The following BRPF3 variants were observed in gnomAD, a reference collection of about 807,000 sequenced individuals.
The protein encoded by BRPF3 is bromodomain and PHD finger-containing protein 3.
BRPF3 carries 18 observed loss-of-function variants against 102.0 expected under a neutral mutation model. The observed-to-expected ratio is 0.18, with a 90% confidence interval of 0.12 to 0.26. The LOEUF is 0.26. Ranked by LOEUF, BRPF3 falls within the 10% of genes least tolerant of loss-of-function variation. The pLI, the probability that BRPF3 is intolerant of heterozygous loss-of-function variation, is 1.00. For missense variants in BRPF3, 1,147 were observed against 1,567.8 expected (o/e 0.73, Z 4.53); for synonymous variants, 570 against 614.2 (o/e 0.93, Z 1.06).
rs750349662 is a variant in BRPF3, at chr6:36,230,561, G to A, written c.3570G>A (p.Leu1190=). 2 of 1,614,180 alleles carry A rather than the reference G, an allele frequency of 1.2e-6. No homozygotes were observed. Among genetic ancestry groups the A allele is most frequent in the Non-Finnish European group, 8.5e-7 (1 of 1,180,008 alleles). ...QVAYDRAMIH[L]SRVRGPHSFV... ...CCTATGACCGTGCGATGATCCACCT[G>A]AGCAGAGTCCGGGGGCCCCACTCCT... Residue 1190 remains leucine, a synonymous_variant, in exon 13 of 13, where the codon CTG becomes CTA. Transcript: ENST00000357641. The surrounding 1 kb of genome is among the most constrained non-coding windows in gnomAD (Gnocchi z 5.4).
intron 8 of BRPF3, among the ~76,000 whole-genome samples, chr6:36,215,017 A>G (rs1768276455): frequency 6.6e-6 from 1 of 152,030 alleles, no homozygotes; most frequent in Admixed American, 6.6e-5. Context: ...TCTGAGGAAC[A>G]CTGAGGGAAC....
intron 4 of BRPF3, among the ~76,000 whole-genome samples, chr6:36,208,274 C>T (rs1336103742): frequency 6.6e-6 from 1 of 152,090 alleles, no homozygotes; most frequent in Non-Finnish European, 1.5e-5. Context: ...GGATGAAAAG[C>T]CAAAACTGTT....
intron 12 of BRPF3, among the ~76,000 whole-genome samples, chr6:36,229,259 G>A (rs370326737): frequency 1.3e-5 from 2 of 152,226 alleles, no homozygotes; most frequent in African/African-American, 4.8e-5. Flanking sequence ...CTCTGAGGTC[G>A]AGACTTGCAT....
rs1272710637 is a variant in BRPF3 at position 36,196,878 on chromosome 6, C to T, written c.-119C>T. The T allele has an allele frequency of 2.0e-5, 3 of 151,688 alleles. No individual in the cohort carries two copies. Among genetic ancestry groups the T allele is most frequent in the East Asian group, 2.0e-4 (1 of 5,124 alleles). The allele number at this position is 151,688 out of a possible 1,614,324, so 9.4% of individuals were successfully genotyped here. On this transcript the variant is annotated 5_prime_UTR_variant, in exon 1 of 13. Coordinates refer to ENST00000357641, the MANE Select transcript of BRPF3 (RefSeq NM_015695.3). ...CACGGAGGCAGGCGCGGGAGAAGAC[C>T]GCGCTCCGCTTCCCGGGCCGCGCCG...
At chr6:36,202,448 G>A (rs943891175) in intron 2 of BRPF3, among the ~76,000 whole-genome samples, 2 of 134,180 alleles carry the variant, frequency 1.5e-5, no homozygotes, top group East Asian at 2.1e-4. Context: ...AGTCTGTAGA[G>A]AGCCCATGGT....
chr6:36,202,420 CCT>C (rs1554127992), intron 2 of BRPF3, among the ~76,000 whole-genome samples: 1 of 142,726 alleles, frequency 7.0e-6, no homozygotes, highest in Middle Eastern at 3.3e-3. Context: ...ACCCCCCCCC[CCT>C]CCGCCCCCGC....
rs762917834 is a variant in BRPF3, at chr6:36,222,136, A to T, written c.3084-32A>T. 3.9e-6 allele frequency: 6 copies of T among 1,547,862 alleles called. No homozygotes were observed. In the African/African-American group the frequency reaches 8.2e-5, roughly 21 times the overall value. On this transcript the variant is annotated intron_variant, in intron 9 of 12. Coordinates refer to ENST00000357641, the MANE Select transcript of BRPF3 (RefSeq NM_015695.3). ...GGCGTTTTAGTCATTGAAATTGCTCATTTCACCCCTCTCTCCCTGCTCTGT... is the reference window on the plus strand; with the variant it reads ...GGCGTTTTAGTCATTGAAATTGCTCTTTTCACCCCTCTCTCCCTGCTCTGT...
chr6:36,219,612 G>T (rs552193495), intron 9 of BRPF3, among the ~76,000 whole-genome samples: 2 of 152,198 alleles, frequency 1.3e-5, no homozygotes, highest in African/African-American at 4.8e-5. Context: ...TTCAGGTGGC[G>T]TGTTTGCCTT....
At chr6:36,209,604 G>A (rs1768022303) in intron 4 of BRPF3, among the ~76,000 whole-genome samples, 183 bp from the exon 5 acceptor site, 1 of 152,158 alleles carries the variant, frequency 6.6e-6, no homozygotes, top group Admixed American at 6.5e-5. Context: ...TAATAAAATA[G>A]TAGCTGTTGG....
At chr6:36,204,121 AAAC>A (rs1193751048) in intron 2 of BRPF3, among the ~76,000 whole-genome samples, 1 of 152,138 alleles carries the variant, frequency 6.6e-6, no homozygotes, top group African/African-American at 2.4e-5. Flanking sequence ...GTTCAAAATT[AAAC>A]AACATTTTTA....
intron 3 of BRPF3, among the ~76,000 whole-genome samples, chr6:36,206,318 C>T (rs1301381455): frequency 2.0e-5 from 3 of 152,130 alleles, no homozygotes; most frequent in Non-Finnish European, 4.4e-5. Flanking sequence ...TGGGGAAAGG[C>T]CTAGTTCTTG....
chr6:36,215,911 A>G (rs990751624), intron 8 of BRPF3, among the ~76,000 whole-genome samples: 1 of 152,186 alleles, frequency 6.6e-6, no homozygotes, highest in African/African-American at 2.4e-5. Flanking sequence ...TGTGTCCCTC[A>G]TGTACTTTTA....
At chr6:36,225,202 C>A in intron 10 of BRPF3, 65 bp from the exon 11 acceptor site, 2 of 1,394,344 alleles carry the variant, frequency 1.4e-6, no homozygotes, top group Non-Finnish European at 2.0e-6. Context: ...AGGCCACAGG[C>A]AGGCCTTTTG....
chr6:36,219,964 T>C (rs1464754696), intron 9 of BRPF3, among the ~76,000 whole-genome samples: 1 of 152,258 alleles, frequency 6.6e-6, no homozygotes, highest in Non-Finnish European at 1.5e-5. Flanking sequence ...CAAATATTGA[T>C]AACTGAACAC....
intron 9 of BRPF3, 114 bp downstream of exon 9, chr6:36,218,124 C>T: frequency 3.5e-6 from 3 of 846,678 alleles, no homozygotes; most frequent in South Asian, 3.5e-5. Flanking sequence ...TCCCCCACTC[C>T]TGCTATTTCC....
chr6:36,211,212 C>T, intron 6 of BRPF3, 46 bp from the exon 7 acceptor site: 2 of 1,580,188 alleles, frequency 1.3e-6, no homozygotes, highest in Non-Finnish European at 1.7e-6. Context: ...TTGCCCTGTG[C>T]TGGGCAGGTC....
intron 7 of BRPF3, among the ~76,000 whole-genome samples, chr6:36,212,944 A>T (rs1290322824): frequency 6.6e-6 from 1 of 151,570 alleles, no homozygotes; most frequent in African/African-American, 2.4e-5. Flanking sequence ...TGGGCGACAG[A>T]GCGAGACTCC....
rs1251604465 is a variant in BRPF3 at position 36,217,931 on chromosome 6, T to G, written c.3004T>G (p.Phe1002Val). ...QEEETGMTNGFGKHTESGSDS... is the reference protein window; with the variant it reads ...QEEETGMTNGVGKHTESGSDS... ...GTCCTTGGCAGGCATGACCAACGGC[T>G]TTGGAAAACACACCGAAAGCGGGTC... is the stretch of plus-strand genomic sequence containing the variant. The change falls in exon 9 of 13, where the codon TTT becomes GTT. Residue 1002 changes from phenylalanine (F) to valine (V), a missense_variant. Physicochemically the swap from Phe to Val is conservative, Grantham distance 50. This residue lies in a region of BRPF3 where 379 missense variants were observed against 426.3 expected (regional missense o/e 0.89). Transcript: ENST00000357641. The G allele has an allele frequency of 6.2e-7, 1 of 1,613,454 alleles. No homozygotes were observed. Among genetic ancestry groups the G allele is most frequent in the South Asian group, 1.1e-5 (1 of 90,950 alleles).
rs1374781544 is a variant in BRPF3 at position 36,201,762 on chromosome 6, C to T, written c.1440C>T (p.Pro480=). The T allele has an allele frequency of 6.2e-7, 1 of 1,600,332 alleles. No homozygotes were observed. Among genetic ancestry groups the T allele is most frequent in the African/African-American group, 1.3e-5 (1 of 74,522 alleles). ...CCATGCTTGCTGTCCCACAGATACCCTCTTACAGGTAAGCATGCCCAGAAG... is the reference window on the plus strand; with the variant it reads ...CCATGCTTGCTGTCCCACAGATACCTTCTTACAGGTAAGCATGCCCAGAAG... ...TLPMLAVPQI[P]SYRLNKICSG... Residue 480 remains proline (P), a synonymous_variant, in exon 2 of 13, where the codon CCC becomes CCT. Transcript: ENST00000357641. This position sits in a 1 kb window ranked among gnomAD's most constrained non-coding sequence, Gnocchi z 5.1.
Sources: gnomAD v4.1 joint callset for allele counts (sites outside exome capture counted in the v4.1 genomes callset) on GRCh38, gnomAD v4.1.1 for gene constraint, gnomAD v4.1.1 regional missense constraint, Gnocchi (gnomAD v3.1) non-coding constraint, MANE v1.5 for transcripts, NCBI Gene and HGNC (gene_info 2026-07-23, HGNC 2026-07-21) for gene names.